ANK3: variants seen among roughly 807,000 people sequenced by gnomAD.
The protein encoded by ANK3 is ankyrin-3.
ANK3 carries 57 observed loss-of-function variants against 370.9 expected under a neutral mutation model. That is an observed-to-expected ratio of 0.15 (90% CI 0.12 to 0.19). The LOEUF is 0.19. ANK3 is among the 10% of genes least tolerant of loss of function. ANK3 has a pLI of 1.00. For missense variants in ANK3, 4,439 were observed against 5,302.1 expected, an observed-to-expected ratio of 0.84 and a Z score of 5.06; for synonymous variants, 1,929 against 1,946.3, an observed-to-expected ratio of 0.99 and a Z score of 0.23.
chr10:60,316,001 G>A lies in ANK3; in HGVS notation c.115-36362C>T, dbSNP rs575185929. ...GGCTAATTGCAATGGAAATAATCACGAAAAATGCTTTTGGCTCAGCAGACA... is the reference window on the plus strand; with the variant it reads ...GGCTAATTGCAATGGAAATAATCACAAAAAATGCTTTTGGCTCAGCAGACA... On this transcript the variant is annotated intron_variant, in intron 1 of 43. Transcript: ENST00000280772. 3.3e-5 allele frequency among the ~76,000 whole-genome samples: 5 copies of A among 152,178 alleles called. No individual in the cohort carries two copies. In the South Asian group the frequency reaches 6.2e-4, roughly 19 times the overall value.
chr10:60,289,408 C>T (rs189073329), intron 1 of ANK3, among the ~76,000 whole-genome samples: 1 of 149,966 alleles, frequency 6.7e-6, no homozygotes, highest in African/African-American at 2.4e-5. Flanking sequence ...TTCTCTCTCC[C>T]TCCCTCCTTC....
At chr10:60,335,968 A>G (rs1170663147) in intron 1 of ANK3, among the ~76,000 whole-genome samples, 1 of 152,204 alleles carries the variant, frequency 6.6e-6, no homozygotes, top group Non-Finnish European at 1.5e-5. Flanking sequence ...TTAAGGAGCA[A>G]TAACCGTAAG....
intron 1 of ANK3, among the ~76,000 whole-genome samples, chr10:60,643,605 T>C (rs1008559554): frequency 1.3e-5 from 2 of 152,050 alleles, no homozygotes; most frequent in Non-Finnish European, 2.9e-5. Flanking sequence ...TCATTTTACC[T>C]TCTAGGGACC....
At chr10:60,664,935 A>G (rs2078978131) in intron 1 of ANK3, among the ~76,000 whole-genome samples, 1 of 152,262 alleles carries the variant, frequency 6.6e-6, no homozygotes. Context: ...TTTAAAAAGA[A>G]TAAGCCTTAA....
In ANK3 at chr10:60,137,483, A is replaced by G. The variant is rs565136021; in HGVS notation, c.2738+1481T>C. 29 of 238,274 alleles carry G rather than the reference A, an allele frequency of 1.2e-4. No homozygotes were observed. In the East Asian group the frequency reaches 2.4e-3, roughly 20 times the overall value. 14.8% of individuals were successfully genotyped at this position (238,274 alleles called of 1,614,324 possible). ...ACACATTTAATGTACTCCTTTTAAA[A>G]TGTTACACTCAGAATATATTTTACT... On this transcript the variant is annotated intron_variant, in intron 24 of 43. Coordinates refer to ENST00000280772, the MANE Select transcript of ANK3 (RefSeq NM_020987.5).
intron 1 of ANK3, among the ~76,000 whole-genome samples, chr10:60,680,357 C>G (rs1014459033): frequency 6.6e-6 from 1 of 152,200 alleles, no homozygotes; most frequent in South Asian, 2.1e-4. Flanking sequence ...TGAGGGCCAG[C>G]ATGGCCCAGT....
At chr10:60,087,919 AAACC>A (rs1424454282) in intron 29 of ANK3, among the ~76,000 whole-genome samples, 2 of 152,248 alleles carry the variant, frequency 1.3e-5, no homozygotes, top group African/African-American at 2.4e-5. Flanking sequence ...TTTTCATCAG[AAACC>A]AACTGAGACT....
intron 2 of ANK3, among the ~76,000 whole-genome samples, chr10:60,517,962 T>A (rs1274945889): frequency 6.6e-6 from 1 of 152,136 alleles, no homozygotes; most frequent in Non-Finnish European, 1.5e-5. Flanking sequence ...GCTCCTATTA[T>A]GCATCTCATC....
Position 60,088,203 on chromosome 10 carries a change from C to CCCTCTGGGA in ANK3, c.3483_3484insTCCCAGAGG (p.Leu1161_Val1162insSerGlnArg). Reference sequence around the variant, plus strand: ...GCACCCTCTGGGAAAGATGCTTGAACAAGGGGCACTGTGGTGCTGCTCAGA... The same window carrying CCCTCTGGGA: ...GCACCCTCTGGGAAAGATGCTTGAACCCTCTGGGAAAGGGGCACTGTGGTGCTGCTCAGA... On this transcript the variant is annotated inframe_insertion, in exon 29 of 44. Coordinates refer to ENST00000280772, the MANE Select transcript of ANK3 (RefSeq NM_020987.5). The CCCTCTGGGA allele has an allele frequency of 6.2e-7, 1 of 1,614,196 alleles. No homozygotes were observed. The highest frequency in any genetic ancestry group is 8.5e-7 in the Non-Finnish European group (1 of 1,180,026).
intron 2 of ANK3, among the ~76,000 whole-genome samples, chr10:60,413,975 T>C (rs1008525908): frequency 5.9e-5 from 9 of 152,112 alleles, no homozygotes; most frequent in African/African-American, 2.2e-4. Context: ...GCAGCCTGAG[T>C]GACAGAGTGA....
intron 2 of ANK3, among the ~76,000 whole-genome samples, chr10:60,582,069 A>G (rs2077761967): frequency 2.0e-5 from 3 of 152,124 alleles, no homozygotes; most frequent in African/African-American, 4.8e-5. Flanking sequence ...GGAGTTCAAC[A>G]ATGAGAACGC....
intron 2 of ANK3, among the ~76,000 whole-genome samples, chr10:60,450,587 C>G (rs10733764): frequency 0.74 from 112,089 of 151,838 alleles, 41,538 homozygotes; most frequent in South Asian, 0.92. Context: ...AAGAATGAGT[C>G]AAAAAAATTA....
At chr10:60,502,793 A>G (rs113131194) in intron 2 of ANK3, among the ~76,000 whole-genome samples, 69 of 142,776 alleles carry the variant, frequency 4.8e-4, no homozygotes, top group African/African-American at 1.7e-3. Context: ...AGAAAGAAAA[A>G]AGAAAAGAAA....
At chr10:60,443,865 T>C (rs1207837003) in intron 2 of ANK3, among the ~76,000 whole-genome samples, 2 of 152,110 alleles carry the variant, frequency 1.3e-5, no homozygotes, top group Non-Finnish European at 2.9e-5. Context: ...CTCTGATAGG[T>C]GCCAAGCAAG....
Position 60,085,218 on chromosome 10 carries a change from C to G in ANK3, c.3784G>C (p.Gly1262Arg). Residue 1262 changes from glycine to arginine, a missense_variant, in exon 31 of 44, where the codon GGA (glycine) becomes CGA (arginine). By Grantham distance (125) the Gly-to-Arg change is moderately radical. Around this residue, in one of 13 missense-constraint regions of ANK3, gnomAD observed 702 missense variants for 941.5 expected, o/e 0.75. Coordinates refer to ENST00000280772, the MANE Select transcript of ANK3 (RefSeq NM_020987.5). ...TSPAQWEDIT[G>R]TTPLTFIKDC... Reference sequence around the variant, plus strand: ...TTTATAAACGTCAAAGGAGTTGTTCCTGTGATGTCTTCCCACTGAGCAGGC... The same window carrying G: ...TTTATAAACGTCAAAGGAGTTGTTCGTGTGATGTCTTCCCACTGAGCAGGC... The G allele has an allele frequency of 1.2e-6, 2 of 1,612,922 alleles. No individual in the cohort carries two copies. Among genetic ancestry groups the G allele is most frequent in the Non-Finnish European group, 1.7e-6 (2 of 1,179,456 alleles).
intron 2 of ANK3, among the ~76,000 whole-genome samples, chr10:60,407,413 A>G (rs2063476854): frequency 1.3e-5 from 2 of 152,168 alleles, no homozygotes; most frequent in Non-Finnish European, 2.9e-5. Context: ...ACCATTTCTC[A>G]CTTAATTAAT....
intron 16 of ANK3, among the ~76,000 whole-genome samples, chr10:60,191,626 T>C (rs1456112374): frequency 3.3e-5 from 5 of 152,182 alleles, no homozygotes; most frequent in African/African-American, 9.7e-5. Flanking sequence ...ACACTGTTAG[T>C]AGGAACGTAA....
intron 16 of ANK3, among the ~76,000 whole-genome samples, chr10:60,192,676 A>G (rs2096510307): frequency 6.6e-6 from 1 of 152,136 alleles, no homozygotes; most frequent in Non-Finnish European, 1.5e-5. Context: ...AATAATAGAC[A>G]TTGGAGACTT....
At chr10:60,178,395 T>C (rs985745929) in intron 18 of ANK3, among the ~76,000 whole-genome samples, 4 of 152,214 alleles carry the variant, frequency 2.6e-5, no homozygotes, top group Non-Finnish European at 5.9e-5. Context: ...GTGCCTCAGT[T>C]TCCTCATCTG....
Sources: gnomAD v4.1 joint callset for allele counts (sites outside exome capture counted in the v4.1 genomes callset) on GRCh38, gnomAD v4.1.1 for gene constraint, gnomAD v4.1.1 regional missense constraint, MANE v1.5 for transcripts, NCBI Gene and HGNC (gene_info 2026-07-23, HGNC 2026-07-21) for gene names.